Variants in SVEP1 observed in about 807,000 individuals in gnomAD.
SVEP1 encodes the protein sushi, von Willebrand factor type A, EGF and pentraxin domain containing 1.
In SVEP1, 164 loss-of-function variants were observed where a neutral mutation model predicts 367.3. The observed-to-expected ratio is 0.45, with a 90% CI of 0.39 to 0.51. The LOEUF is 0.51. Ranked by LOEUF, SVEP1 falls within the 20% of genes least tolerant of loss-of-function variation. The pLI, the probability that SVEP1 is intolerant of heterozygous loss-of-function variation, is 0.00. For missense variants in SVEP1, 4,117 were observed against 4,425.3 expected, an observed-to-expected ratio of 0.93 and a Z score of 1.98; for synonymous variants, 1,666 against 1,611.6, an observed-to-expected ratio of 1.03 and a Z score of -0.81.
chr9:110,544,481 C>T (rs1040419440), intron 3 of SVEP1, among the ~76,000 whole-genome samples: 6 of 152,186 alleles, frequency 3.9e-5, no homozygotes, highest in Middle Eastern at 3.4e-3. Context: ...TTAAAATATT[C>T]GATTTTCTTA....
At chr9:110,448,148 T>TGTGTGC (rs959827995) in intron 24 of SVEP1, among the ~76,000 whole-genome samples, 3 of 69,438 alleles carry the variant, frequency 4.3e-5, no homozygotes, top group African/African-American at 1.2e-4. Flanking sequence ...TGTGTGTGTG[T>TGTGTGC]GCGCGTGTGT....
intron 5 of SVEP1, among the ~76,000 whole-genome samples, chr9:110,507,850 C>T (rs938627483): frequency 6.6e-6 from 1 of 152,136 alleles, no homozygotes; most frequent in Non-Finnish European, 1.5e-5. Context: ...CTTCAACAAA[C>T]TGCCAAGATG....
intron 17 of SVEP1, among the ~76,000 whole-genome samples, chr9:110,467,057 C>G (rs961668150): frequency 6.6e-6 from 1 of 152,114 alleles, no homozygotes; most frequent in Admixed American, 6.5e-5. Context: ...TTTCCAATTA[C>G]GTAGCACTGC....
At chr9:110,558,239 G>C (rs1014339160) in intron 1 of SVEP1, among the ~76,000 whole-genome samples, 5 of 150,112 alleles carry the variant, frequency 3.3e-5, no homozygotes, top group African/African-American at 1.2e-4. Context: ...CGGTGCTGTG[G>C]CTCACACCTG....
In SVEP1 at chr9:110,411,719, G is replaced by T; in HGVS notation, c.5992C>A (p.Leu1998Ile). The change falls in exon 37 of 48, where the codon CTT becomes ATT. Residue 1998 changes from leucine to isoleucine, a missense_variant. By Grantham distance (5) the Leu-to-Ile change is conservative. Transcript: ENST00000374469. ...TCGGCCAGGCATTCAATGGTGTCAAGACCAGCAAGAGTATAGCTGTGAGGT... is the reference window on the plus strand; with the variant it reads ...TCGGCCAGGCATTCAATGGTGTCAATACCAGCAAGAGTATAGCTGTGAGGT... ...TCKEGYTLAG[L>I]DTIECLADGK... is the part of the protein sequence containing the mutation. 6.3e-7 allele frequency: 1 copy of T among 1,581,284 alleles called. No homozygotes were observed. The highest frequency in any genetic ancestry group is 1.2e-5 in the South Asian group (1 of 86,206).
At position 110,504,996 on chromosome 9, in the gene SVEP1, T is replaced by G. The variant is rs538210235; in HGVS notation, c.1304-1779A>C. Among the ~76,000 whole-genome samples the G allele has an allele frequency of 1.4e-3, 219 of 152,222 alleles. 1 individual carries two copies. Among genetic ancestry groups the G allele is most frequent in the African/African-American group, 4.8e-3 (199 of 41,512 alleles). ...TTCTTCATCTTCTTTGAATTCACCA[T>G]GAGAAAGCAGTAGGAAGGATATTCA... On this transcript the variant is annotated intron_variant, in intron 5 of 47. Coordinates refer to ENST00000374469, the MANE Select transcript of SVEP1 (RefSeq NM_153366.4).
intron 18 of SVEP1, among the ~76,000 whole-genome samples, chr9:110,460,557 A>T (rs2118641327): frequency 6.6e-6 from 1 of 152,328 alleles, no homozygotes; most frequent in Non-Finnish European, 1.5e-5. Context: ...GTTCCAGACT[A>T]GCCTGGCCAA....
chr9:110,533,759 T>G (rs1011040555), intron 3 of SVEP1, among the ~76,000 whole-genome samples: 2 of 152,198 alleles, frequency 1.3e-5, no homozygotes, highest in African/African-American at 4.8e-5. Context: ...ATTGCTAACA[T>G]TGGCCATCAT....
intron 3 of SVEP1, among the ~76,000 whole-genome samples, chr9:110,519,315 T>G (rs1184091748): frequency 6.6e-6 from 1 of 152,166 alleles, no homozygotes; most frequent in Non-Finnish European, 1.5e-5. Context: ...ATACTGCTTT[T>G]ATAGATTTGT....
At chr9:110,439,576 T>C (rs1181157789) in intron 27 of SVEP1, among the ~76,000 whole-genome samples, 1 of 151,894 alleles carries the variant, frequency 6.6e-6, no homozygotes, top group Non-Finnish European at 1.5e-5. Flanking sequence ...TTTTTTGTAT[T>C]TTTAGTAGAG....
chr9:110,385,891 G>GACTT lies in SVEP1; in HGVS notation c.10237+3_10237+6dup. 2 of 1,611,170 alleles carry GACTT rather than the reference G, an allele frequency of 1.2e-6. No individual in the cohort carries two copies. Among genetic ancestry groups the GACTT allele is most frequent in the East Asian group, 2.2e-5 (1 of 44,838 alleles). ...CGGCATGAACTGGCTTCCGCCTGCTGACTTACTTTCACATTTGGCGCTTGT... is the reference window on the plus strand; with the variant it reads ...CGGCATGAACTGGCTTCCGCCTGCTGACTTACTTACTTTCACATTTGGCGCTTGT... On this transcript the variant is annotated splice_region_variant and intron_variant, in intron 43 of 47. Coordinates refer to ENST00000374469, the MANE Select transcript of SVEP1 (RefSeq NM_153366.4).
chr9:110,514,036 A>T lies in SVEP1; in HGVS notation c.1035T>A (p.Asp345Glu), dbSNP rs769037872. 3 of 1,612,152 alleles carry T rather than the reference A, an allele frequency of 1.9e-6. No individual in the cohort carries two copies. The highest frequency in any genetic ancestry group is 1.7e-5 in the Admixed American group (1 of 59,838). ...GGISSCIPCP[D>E]ENHTSPPGST... ...TTCCAGGTGGAGAGGTGTGATTTTC[A>T]TCAGGACATGGAATGCAACTGCTGA... The change falls in exon 4 of 48, where the codon GAT becomes GAA. Residue 345 changes from aspartate to glutamate, a missense_variant. Asp to Glu is a conservative substitution (Grantham distance 45). Transcript: ENST00000374469.
At chr9:110,448,307 T>C (rs1168481198) in intron 24 of SVEP1, among the ~76,000 whole-genome samples, 2 of 152,256 alleles carry the variant, frequency 1.3e-5, no homozygotes, top group African/African-American at 4.8e-5. Flanking sequence ...AGTACATGAC[T>C]TTTATTATTG....
At chr9:110,415,466 G>A (rs998482867) in intron 36 of SVEP1, among the ~76,000 whole-genome samples, 7 of 151,950 alleles carry the variant, frequency 4.6e-5, no homozygotes, top group Admixed American at 4.6e-4. Context: ...ACTGGAGAAG[G>A]AAATAAACTT....
intron 6 of SVEP1, among the ~76,000 whole-genome samples, chr9:110,502,213 C>T (rs1050690419): frequency 2.0e-5 from 3 of 151,466 alleles, no homozygotes; most frequent in Non-Finnish European, 4.4e-5. Flanking sequence ...AGAGATTCTC[C>T]TGTCTCAGCC....
At chr9:110,473,432 A>G (rs1187442763) in intron 14 of SVEP1, among the ~76,000 whole-genome samples, 2 of 145,180 alleles carry the variant, frequency 1.4e-5, no homozygotes, top group African/African-American at 2.5e-5. Context: ...ACATTTATGC[A>G]TATGTGCATA....
intron 37 of SVEP1, among the ~76,000 whole-genome samples, chr9:110,409,812 C>G (rs1828018473): frequency 6.6e-6 from 1 of 151,980 alleles, no homozygotes; most frequent in South Asian, 2.1e-4. Context: ...TATTCGTGAT[C>G]TCAAAATTCA....
intron 39 of SVEP1, among the ~76,000 whole-genome samples, chr9:110,403,224 T>G (rs1392854595): frequency 6.7e-6 from 1 of 149,166 alleles, no homozygotes; most frequent in East Asian, 2.0e-4. Context: ...GTATATCTTA[T>G]GGAAGTTAGG....
rs1189210046 is a variant in SVEP1 at position 110,366,456 on chromosome 9, T to C, written c.*83A>G. On this transcript the variant is annotated 3_prime_UTR_variant, in exon 48 of 48. Transcript: ENST00000374469. ...CAAGACCCAGCACCATGTTGGACTT[T>C]CTTTGCATAAGTTCCAGGATGCCCA... The C allele has an allele frequency of 5.0e-6, 7 of 1,399,582 alleles. No individual in the cohort carries two copies. In the South Asian group the frequency reaches 1.2e-4, roughly 24 times the overall value. 86.7% of individuals were successfully genotyped at this position (1,399,582 alleles called of 1,614,324 possible).
Sources: gnomAD v4.1 joint callset for allele counts (sites outside exome capture counted in the v4.1 genomes callset) on GRCh38, gnomAD v4.1.1 for gene constraint, MANE v1.5 for transcripts, NCBI Gene and HGNC (gene_info 2026-07-23, HGNC 2026-07-21) for gene names.